ROBO1: variants seen among roughly 807,000 people sequenced by gnomAD.
ROBO1 encodes roundabout guidance receptor 1.
A neutral mutation model predicts 195.9 loss-of-function variants in ROBO1; 149 were observed. That is an observed-to-expected ratio of 0.76 (90% CI 0.67 to 0.87). The LOEUF (loss-of-function observed/expected upper bound fraction) is 0.87, where lower values mean the gene tolerates loss of function less well. Among genes scored for constraint, ROBO1 ranks in the 40% least tolerant of loss-of-function variants. The pLI is 0.00. For synonymous variants in ROBO1, 816 were observed against 733.2 expected (o/e 1.11, Z -1.82); for missense variants, 1,933 against 2,068.3 (o/e 0.93, Z 1.27).
At chr3:79,735,460 CTT>C (rs1251598428) in intron 1 of ROBO1, among the ~76,000 whole-genome samples, 1 of 152,164 alleles carries the variant, frequency 6.6e-6, no homozygotes, top group Non-Finnish European at 1.5e-5. Flanking sequence ...AATTCTTACT[CTT>C]CTCTGTTATT....
At chr3:79,310,363 CCTTT>C (rs777577454) in intron 2 of ROBO1, among the ~76,000 whole-genome samples, 56 of 152,234 alleles carry the variant, frequency 3.7e-4, no homozygotes, top group Non-Finnish European at 6.3e-4. Context: ...GGACTGGGGG[CCTTT>C]TATATCCCAT....
At position 79,659,550 on chromosome 3, in the gene ROBO1, G is replaced by A. The variant is rs190413622; in HGVS notation, c.-50-69589C>T. On this transcript the variant is annotated intron_variant, in intron 1 of 30. Coordinates refer to ENST00000464233, the MANE Select transcript of ROBO1 (RefSeq NM_002941.4). ...GCCTATTTTGACATACAGTTAATCCGAACTGCTTCAAAGAGCATTACCGAA... is the reference window on the plus strand; with the variant it reads ...GCCTATTTTGACATACAGTTAATCCAAACTGCTTCAAAGAGCATTACCGAA... 1.4e-4 allele frequency among the ~76,000 whole-genome samples: 21 copies of A among 151,510 alleles called. No homozygotes were observed. The East Asian group carries it at 2.9e-3, about 21-fold the overall frequency.
At chr3:79,203,042 C>T (rs1408671097) in intron 2 of ROBO1, among the ~76,000 whole-genome samples, 1 of 152,108 alleles carries the variant, frequency 6.6e-6, no homozygotes, top group Non-Finnish European at 1.5e-5. Flanking sequence ...ATCTACCTAC[C>T]TCCTATAGGT....
chr3:78,656,603 G>A (rs528040103), intron 18 of ROBO1, among the ~76,000 whole-genome samples: 5 of 151,984 alleles, frequency 3.3e-5, no homozygotes, highest in East Asian at 3.9e-4. Context: ...TGCCTGCCTC[G>A]GCCTCCCAGA....
In ROBO1 at chr3:78,703,320, G is replaced by A. The variant is rs2081465836; in HGVS notation, c.1045+11077C>T. ...GCTCAGCATCTTATTTACGCCACTG[G>A]ATCAGAACAGTTAGGAGAGGGAGTT... On this transcript the variant is annotated intron_variant, in intron 8 of 30. Transcript: ENST00000464233. Among the ~76,000 whole-genome samples the A allele has an allele frequency of 2.0e-5, 3 of 152,084 alleles. No individual in the cohort carries two copies. In the South Asian group the frequency reaches 6.2e-4, roughly 32 times the overall value.
intron 3 of ROBO1, among the ~76,000 whole-genome samples, chr3:78,941,276 T>C (rs1297578333): frequency 2.0e-5 from 3 of 152,164 alleles, no homozygotes; most frequent in Non-Finnish European, 4.4e-5. Context: ...GGAAATAAAC[T>C]AGCAATATAA....
intron 28 of ROBO1, among the ~76,000 whole-genome samples, chr3:78,614,184 T>C (rs1032453678): frequency 6.6e-6 from 1 of 152,212 alleles, no homozygotes; most frequent in African/African-American, 2.4e-5. Context: ...TGATTTATCT[T>C]TTGATGCCCA....
chr3:79,491,186 G>GA (rs59923647), intron 2 of ROBO1, among the ~76,000 whole-genome samples: 5,773 of 150,620 alleles, frequency 0.038, 392 homozygotes, highest in African/African-American at 0.13. Context: ...TGCTTGGGGG[G>GA]AAAAATGGAA....
intron 2 of ROBO1, among the ~76,000 whole-genome samples, chr3:79,320,039 T>G (rs1450025481): frequency 6.6e-6 from 1 of 152,190 alleles, no homozygotes; most frequent in Non-Finnish European, 1.5e-5. Context: ...GAAACATATG[T>G]AATGTCTTAA....
intron 8 of ROBO1, chr3:78,693,372 A>G (rs1559753352): frequency 2.1e-5 from 32 of 1,516,496 alleles, no homozygotes; most frequent in Non-Finnish European, 2.9e-5. Flanking sequence ...ACAAAACAAA[A>G]AAAGAAAACA....
In ROBO1 at chr3:78,606,852, T is replaced by C. The variant is rs1302962650; in HGVS notation, c.4625A>G (p.Asp1542Gly). 1 of 1,613,946 alleles carries C rather than the reference T, an allele frequency of 6.2e-7. No individual in the cohort carries two copies. The change falls in exon 29 of 31, where the codon GAC becomes GGC. Residue 1542 changes from aspartate to glycine, a missense_variant. Physicochemically the swap from Asp to Gly is moderately conservative, Grantham distance 94. Coordinates refer to ENST00000464233, the MANE Select transcript of ROBO1 (RefSeq NM_002941.4). ...REVLDGRQVV[D>G]MRTNPGDPRE... is the part of the protein sequence containing the mutation. ...GGGATCACCTGGATTTGTTCGCATGTCAACAACCTGTCTTCCATCCAACAC... is the reference window on the plus strand; with the variant it reads ...GGGATCACCTGGATTTGTTCGCATGCCAACAACCTGTCTTCCATCCAACAC...
At chr3:78,958,822 T>C (rs1049396210) in intron 3 of ROBO1, among the ~76,000 whole-genome samples, 43 of 146,522 alleles carry the variant, frequency 2.9e-4, no homozygotes, top group South Asian at 2.6e-3. Flanking sequence ...TCTTCTTCTT[T>C]TTTTTTTTTT....
chr3:79,227,981 A>G (rs1398435978), intron 2 of ROBO1, among the ~76,000 whole-genome samples: 1 of 152,164 alleles, frequency 6.6e-6, no homozygotes, highest in Non-Finnish European at 1.5e-5. Flanking sequence ...TCTTAATCAG[A>G]ATAAATAAAT....
At chr3:78,994,489 C>T (rs1421348015) in intron 3 of ROBO1, among the ~76,000 whole-genome samples, 1 of 152,104 alleles carries the variant, frequency 6.6e-6, no homozygotes, top group Non-Finnish European at 1.5e-5. Flanking sequence ...GTTATCTTAA[C>T]AAAGGGCATG....
At chr3:78,670,648 C>T (rs1030307083) in intron 10 of ROBO1, 3 of 173,484 alleles carry the variant, frequency 1.7e-5, no homozygotes, top group Non-Finnish European at 3.7e-5. Context: ...CATGAAAAAA[C>T]ACAACATAAC....
At chr3:79,051,416 T>C (rs770299391) in intron 3 of ROBO1, among the ~76,000 whole-genome samples, 5 of 152,110 alleles carry the variant, frequency 3.3e-5, no homozygotes, top group Admixed American at 6.5e-5. Context: ...CAATAATTAA[T>C]AGCATACCAA....
intron 1 of ROBO1, among the ~76,000 whole-genome samples, chr3:79,748,226 T>C (rs1028381228): frequency 6.6e-6 from 1 of 152,208 alleles, no homozygotes; most frequent in African/African-American, 2.4e-5. Flanking sequence ...AGCTACCTGA[T>C]AGTGAGATAT....
Position 79,575,485 on chromosome 3 carries a change from T to C in ROBO1, c.88+14339A>G, listed in dbSNP as rs181992799. Among the ~76,000 whole-genome samples the C allele has an allele frequency of 8.6e-3, 1,134 of 131,410 alleles. 18 individuals carry two copies. The highest frequency in any genetic ancestry group is 0.031 in the African/African-American group (1,082 of 35,236). The allele number at this position is 131,410 out of a possible 152,430, so 86.2% of individuals were successfully genotyped here. The stretch of plus-strand genomic sequence containing the variant: ...TAACAAATACATATATAAATATATA[T>C]AACAAATATATAAATATATATAACA... On this transcript the variant is annotated intron_variant, in intron 2 of 30. Coordinates refer to ENST00000464233, the MANE Select transcript of ROBO1 (RefSeq NM_002941.4).
At chr3:79,392,256 G>T (rs1426921195) in intron 2 of ROBO1, among the ~76,000 whole-genome samples, 1 of 152,138 alleles carries the variant, frequency 6.6e-6, no homozygotes, top group African/African-American at 2.4e-5. Flanking sequence ...ACCAAATAAG[G>T]TGGACAACCA....
Sources: allele counts gnomAD v4.1 joint callset (sites outside exome capture counted in the v4.1 genomes callset), GRCh38; gene constraint gnomAD v4.1.1; transcripts MANE v1.5; gene names NCBI Gene and HGNC (gene_info 2026-07-23, HGNC 2026-07-21).